Variants in SCYL3 observed in about 807,000 individuals in gnomAD.
The protein encoded by SCYL3 is SCY1 like pseudokinase 3.
In SCYL3, 35 loss-of-function variants were observed where a neutral mutation model predicts 73.8. That is an observed-to-expected ratio of 0.47 (90% confidence interval 0.36 to 0.63). SCYL3 has a LOEUF of 0.63. SCYL3 is among the 20% of genes least tolerant of loss of function. The probability of loss-of-function intolerance (pLI) is 0.00; values close to 1 mark genes in which losing one functional copy is unlikely to be tolerated. For synonymous variants in SCYL3, 277 were observed against 295.2 expected (o/e 0.94, Z 0.63); for missense variants, 712 against 798.9 (o/e 0.89, Z 1.31).
At chr1:169,856,050 G>A in intron 11 of SCYL3, 1 of 1,113,640 alleles carries the variant, frequency 9.0e-7, no homozygotes, top group Non-Finnish European at 1.3e-6. Context: ...AGTGAAATGG[G>A]TATATTTTTA....
At chr1:169,875,097 A>G (rs1022726045) in intron 4 of SCYL3, among the ~76,000 whole-genome samples, 3 of 152,228 alleles carry the variant, frequency 2.0e-5, no homozygotes, top group Non-Finnish European at 4.4e-5. Context: ...AAAGAGATCA[A>G]TATGGACAGA....
In SCYL3 at chr1:169,854,434, T is replaced by C; in HGVS notation, c.1843A>G (p.Lys615Glu). The change falls in exon 12 of 13, where the codon AAA (lysine) becomes GAA (glutamate). Residue 615 changes from lysine (K) to glutamate (E), a missense_variant. Lys to Glu is a moderately conservative substitution (Grantham distance 56, BLOSUM62 1). Around this residue, in one of 2 missense-constraint regions of SCYL3, gnomAD observed 370 missense variants for 350.8 expected, o/e 1.05. Coordinates refer to ENST00000367771, the MANE Select transcript of SCYL3 (RefSeq NM_020423.7). ...GCAAACCAATCCATCTCAGGATCTT[T>C]TACTGGCTTCTTTTTTACTTGAATG... ...FTIQVKKKPV[K>E]DPEMDWFADM... 1 of 1,614,102 alleles carries C rather than the reference T, an allele frequency of 6.2e-7. No individual in the cohort carries two copies. Among genetic ancestry groups the C allele is most frequent in the Admixed American group, 1.7e-5 (1 of 60,018 alleles).
At position 169,849,768 on chromosome 1, in the gene SCYL3, G is replaced by A. The variant is rs962015722; in HGVS notation, c.*3945C>T. On this transcript the variant is annotated 3_prime_UTR_variant, in exon 13 of 13. Transcript: ENST00000367771. ...TCTCTTTTACAGCTTCTCAAAATGA[G>A]GCTTAGATAAATGAAGTGAATTTCG... 1.3e-5 allele frequency: 8 copies of A among 606,962 alleles called. No homozygotes were observed. The Admixed American group carries it at 1.5e-4, about 11-fold the overall frequency. 37.6% of individuals were successfully genotyped at this position (606,962 alleles called of 1,614,324 possible).
intron 8 of SCYL3, among the ~76,000 whole-genome samples, chr1:169,865,706 C>T (rs1659988188): frequency 6.6e-6 from 1 of 152,234 alleles, no homozygotes; most frequent in Non-Finnish European, 1.5e-5. Flanking sequence ...GCCCAATGCA[C>T]TCTCACTGCT....
Position 169,853,735 on chromosome 1 carries a change from T to G in SCYL3, c.2045A>C (p.Asn682Thr), listed in dbSNP as rs1658737896. ...AEGWEEEGEL[N>T]WEDNNW Reference sequence around the variant, plus strand: ...TTGTCACCAGTTATTATCTTCCCAGTTCAGCTCCCCTTCTTCTTCCCAGCC... The same window carrying G: ...TTGTCACCAGTTATTATCTTCCCAGGTCAGCTCCCCTTCTTCTTCCCAGCC... Residue 682 changes from asparagine to threonine, a missense_variant, in exon 13 of 13, where the codon AAC becomes ACC. Physicochemically the swap from Asn to Thr is moderately conservative, Grantham distance 65. Around this residue, in one of 2 missense-constraint regions of SCYL3, gnomAD observed 370 missense variants for 350.8 expected, o/e 1.05. Transcript: ENST00000367771. 1 of 1,613,914 alleles carries G rather than the reference T, an allele frequency of 6.2e-7. No homozygotes were observed. Among genetic ancestry groups the G allele is most frequent in the Non-Finnish European group, 8.5e-7 (1 of 1,179,890 alleles).
intron 1 of SCYL3, among the ~76,000 whole-genome samples, chr1:169,889,981 T>C (rs1661961713): frequency 6.6e-6 from 1 of 152,230 alleles, no homozygotes; most frequent in Non-Finnish European, 1.5e-5. Flanking sequence ...CCAAATCTTC[T>C]ACAATATGAA....
At chr1:169,884,488 G>A (rs1661534143) in intron 2 of SCYL3, among the ~76,000 whole-genome samples, 1 of 151,878 alleles carries the variant, frequency 6.6e-6, no homozygotes, top group Admixed American at 6.6e-5. Flanking sequence ...AGTAGAGATG[G>A]GGTTTCACCA....
chr1:169,884,988 T>C (rs1035197122), intron 2 of SCYL3, among the ~76,000 whole-genome samples: 12 of 152,216 alleles, frequency 7.9e-5, no homozygotes, highest in Admixed American at 1.3e-4. Flanking sequence ...CAAGACATAC[T>C]TGCTAAGGGT....
chr1:169,889,690 A>G (rs2102218401), intron 1 of SCYL3, among the ~76,000 whole-genome samples: 2 of 152,352 alleles, frequency 1.3e-5, no homozygotes, highest in African/African-American at 4.8e-5. Context: ...AGAGGGATCA[A>G]GGGAGAGGAA....
intron 4 of SCYL3, among the ~76,000 whole-genome samples, 180 bp from the exon 5 acceptor site, chr1:169,873,932 A>C (rs1245424652): frequency 6.6e-6 from 1 of 152,208 alleles, no homozygotes; most frequent in Non-Finnish European, 1.5e-5. Context: ...CAAATAAAGT[A>C]CCTGGCACAG....
At chr1:169,888,542 GT>G in intron 2 of SCYL3, 133 bp downstream of exon 2, 2 of 689,900 alleles carry the variant, frequency 2.9e-6, no homozygotes, top group Non-Finnish European at 4.7e-6. Flanking sequence ...TAAGAGCAAT[GT>G]TTTGAAAGGA....
chr1:169,866,166 C>G (rs760546864), intron 8 of SCYL3, among the ~76,000 whole-genome samples: 19 of 152,202 alleles, frequency 1.2e-4, no homozygotes, highest in Admixed American at 2.6e-4. Flanking sequence ...GTCCTCTCCT[C>G]CAATATTCTC....
intron 9 of SCYL3, 107 bp downstream of exon 9, chr1:169,864,262 T>C: frequency 1.4e-6 from 2 of 1,451,468 alleles, no homozygotes; most frequent in Non-Finnish European, 1.9e-6. Flanking sequence ...TCTCCGTTTT[T>C]AGAACCAAAC....
chr1:169,863,329 G>A lies in SCYL3; in HGVS notation c.956-532C>T, dbSNP rs191895686. Among the ~76,000 whole-genome samples the A allele has an allele frequency of 3.9e-3, 599 of 152,268 alleles. 2 individuals carry two copies. The highest frequency in any genetic ancestry group is 0.013 in the African/African-American group (553 of 41,536). On this transcript the variant is annotated intron_variant, in intron 9 of 12. Transcript: ENST00000367771. ...CTTGTAGAGTTTTTGAAATACTAGA[G>A]ATCATAGTGTACAACAAAGCTTGTA...
intron 5 of SCYL3, among the ~76,000 whole-genome samples, chr1:169,873,159 G>T (rs987623868): frequency 2.0e-5 from 3 of 152,120 alleles, no homozygotes; most frequent in Admixed American, 6.5e-5. Context: ...TCAGTGGGAG[G>T]TGATTGAATT....
In SCYL3 at chr1:169,862,702, C is replaced by T. The variant is rs2102151284; in HGVS notation, c.1051G>A (p.Glu351Lys). The change falls in exon 10 of 13, where the codon GAG becomes AAG. Residue 351 changes from glutamate (E) to lysine (K), a missense_variant. This residue lies in a region of SCYL3 where 342 missense variants were observed against 448.1 expected (regional missense o/e 0.76). Transcript: ENST00000367771. ...VLLQLFEVHE[E>K]HVRMVLLSHI... Reference sequence around the variant, plus strand: ...GACAGCAGCACCATCCGCACATGCTCTTCATGAACTTCAAACAACTGGAGA... The same window carrying T: ...GACAGCAGCACCATCCGCACATGCTTTTCATGAACTTCAAACAACTGGAGA... 6.2e-7 allele frequency: 1 copy of T among 1,614,186 alleles called. No homozygotes were observed. The highest frequency in any genetic ancestry group is 8.5e-7 in the Non-Finnish European group (1 of 1,180,044).
At position 169,859,198 on chromosome 1, in the gene SCYL3, C is replaced by G; in HGVS notation, c.1155G>C (p.Leu385=). 3 of 1,610,782 alleles carry G rather than the reference C, an allele frequency of 1.9e-6. No individual in the cohort carries two copies. The highest frequency in any genetic ancestry group is 1.7e-6 in the Non-Finnish European group (2 of 1,178,790). The change falls in exon 11 of 13, where the codon CTG becomes CTC. Residue 385 remains leucine, a synonymous_variant. Coordinates refer to ENST00000367771, the MANE Select transcript of SCYL3 (RefSeq NM_020423.7). ...KVILPQVLLG[L]RDTSDSIVAI... is the part of the protein sequence containing the mutation. Reference sequence around the variant, plus strand: ...CCACAATGGAATCGCTAGTATCACGCAGGCCCAGCAAAACCTAGGAGCAAA... The same window carrying G: ...CCACAATGGAATCGCTAGTATCACGGAGGCCCAGCAAAACCTAGGAGCAAA...
chr1:169,878,911 CT>C (rs1661052872), intron 2 of SCYL3, 92 bp from the exon 3 acceptor site: 1 of 1,182,844 alleles, frequency 8.5e-7, no homozygotes. Flanking sequence ...AAAATGTATA[CT>C]TGCAGTTAAG....
chr1:169,876,128 C>T (rs773964073), intron 3 of SCYL3, 37 bp from the exon 4 acceptor site: 3 of 1,203,820 alleles, frequency 2.5e-6, no homozygotes, highest in Non-Finnish European at 3.5e-6. Context: ...GAGTGCCACT[C>T]CAGGATCTGA....
Sources: gnomAD v4.1 joint callset for allele counts (sites outside exome capture counted in the v4.1 genomes callset) on GRCh38, gnomAD v4.1.1 for gene constraint, gnomAD v4.1.1 regional missense constraint, MANE v1.5 for transcripts, NCBI Gene and HGNC (gene_info 2026-07-23, HGNC 2026-07-21) for gene names.